PARD3B: variants seen among roughly 807,000 people sequenced by gnomAD.
PARD3B encodes par-3 family cell polarity regulator beta.
In PARD3B, 103 loss-of-function variants were observed where a neutral mutation model predicts 130.2. The observed-to-expected ratio is 0.79, with a 90% CI of 0.67 to 0.93. PARD3B has a LOEUF of 0.93. PARD3B is among the 40% of genes least tolerant of loss of function. PARD3B has a pLI of 0.00. For synonymous variants in PARD3B, 583 were observed against 553.2 expected, an observed-to-expected ratio of 1.05 and a Z score of -0.76; for missense variants, 1,609 against 1,499.2, an observed-to-expected ratio of 1.07 and a Z score of -1.21.
At chr2:205,449,293 G>C (rs145313054) in intron 20 of PARD3B, among the ~76,000 whole-genome samples, 6 of 150,744 alleles carry the variant, frequency 4.0e-5, no homozygotes, top group Admixed American at 3.3e-4. Context: ...GCAGTGGCGC[G>C]ATCTCAGCTC....
At chr2:204,855,544 G>GAAA (rs1159814030) in intron 2 of PARD3B, among the ~76,000 whole-genome samples, 66 of 139,978 alleles carry the variant, frequency 4.7e-4, no homozygotes, top group African/African-American at 1.7e-3. Context: ...CCCTCTAAAA[G>GAAA]AAAAAAAAAT....
intron 2 of PARD3B, among the ~76,000 whole-genome samples, chr2:204,924,136 G>A (rs993996228): frequency 3.9e-5 from 6 of 152,038 alleles, no homozygotes; most frequent in African/African-American, 1.2e-4. Flanking sequence ...GTTAAAGGGT[G>A]TAAGATGTGT....
At chr2:204,771,527 G>A (rs1362181668) in intron 2 of PARD3B, among the ~76,000 whole-genome samples, 1 of 152,054 alleles carries the variant, frequency 6.6e-6, no homozygotes, top group East Asian at 1.9e-4. Flanking sequence ...ACTAGGGCAG[G>A]GAAGGAGGGG....
chr2:205,213,064 T>C (rs1004015691), intron 15 of PARD3B, among the ~76,000 whole-genome samples: 13 of 152,224 alleles, frequency 8.5e-5, no homozygotes, highest in African/African-American at 3.1e-4. Context: ...ACTTTGATGG[T>C]TGGGCTTCAG....
intron 2 of PARD3B, among the ~76,000 whole-genome samples, chr2:204,785,070 A>G (rs1258433841): frequency 6.6e-6 from 1 of 152,246 alleles, no homozygotes; most frequent in Non-Finnish European, 1.5e-5. Context: ...ATAGTAGTAT[A>G]GAGAATAAAT....
chr2:205,228,052 G>A lies in PARD3B; in HGVS notation c.2141-17726G>A, dbSNP rs369887239. The stretch of plus-strand genomic sequence containing the variant: ...GTTTCTGTTTATATCTTATTGTACT[G>A]TGTATGTCTTAAAAAGTTGTTGTAG... On this transcript the variant is annotated intron_variant, in intron 15 of 22. Transcript: ENST00000406610. Among the ~76,000 whole-genome samples the A allele has an allele frequency of 2.0e-5, 3 of 152,192 alleles. No individual in the cohort carries two copies. The South Asian group carries it at 6.2e-4, about 32-fold the overall frequency.
intron 2 of PARD3B, among the ~76,000 whole-genome samples, chr2:204,908,798 C>T (rs373188717): frequency 2.6e-5 from 4 of 152,076 alleles, no homozygotes; most frequent in Non-Finnish European, 5.9e-5. Flanking sequence ...ACCAGAATAA[C>T]GTTTATGTAA....
chr2:204,619,208 C>A (rs1040988493), intron 1 of PARD3B, among the ~76,000 whole-genome samples: 2 of 152,146 alleles, frequency 1.3e-5, no homozygotes, highest in Admixed American at 1.3e-4. Flanking sequence ...TTCTGGACAT[C>A]ACTTCACATT....
intron 2 of PARD3B, among the ~76,000 whole-genome samples, chr2:204,792,516 T>C (rs528620801): frequency 6.6e-6 from 1 of 152,062 alleles, no homozygotes; most frequent in Non-Finnish European, 1.5e-5. Context: ...ACCAGACAAA[T>C]TCCTGAGTTT....
At chr2:205,050,077 C>T (rs1310659573) in intron 4 of PARD3B, among the ~76,000 whole-genome samples, 1 of 151,796 alleles carries the variant, frequency 6.6e-6, no homozygotes, top group Non-Finnish European at 1.5e-5. Flanking sequence ...ATGGAAGATG[C>T]TCAGTGTATA....
chr2:204,572,880 T>G (rs1466342728), intron 1 of PARD3B, among the ~76,000 whole-genome samples: 1 of 152,216 alleles, frequency 6.6e-6, no homozygotes, highest in Non-Finnish European at 1.5e-5. Context: ...ATGGTGCACA[T>G]CACTTATAAA....
chr2:205,172,675 T>C (rs2035242003), intron 12 of PARD3B, among the ~76,000 whole-genome samples: 1 of 152,220 alleles, frequency 6.6e-6, no homozygotes, highest in African/African-American at 2.4e-5. Context: ...TTGGTTGATA[T>C]GCTAGCAGTG....
chr2:204,850,391 A>G (rs2044657849), intron 2 of PARD3B, among the ~76,000 whole-genome samples: 1 of 151,980 alleles, frequency 6.6e-6, no homozygotes. Context: ...TTCTTGGACA[A>G]CTGAGATTGT....
intron 2 of PARD3B, among the ~76,000 whole-genome samples, chr2:204,820,626 C>T (rs917519969): frequency 2.0e-5 from 3 of 151,772 alleles, no homozygotes; most frequent in Non-Finnish European, 2.9e-5. Flanking sequence ...ACCAGCCTGG[C>T]CAACATGGTG....
intron 2 of PARD3B, among the ~76,000 whole-genome samples, chr2:204,775,034 A>G (rs1462245780): frequency 1.3e-5 from 2 of 152,120 alleles, no homozygotes; most frequent in African/African-American, 4.8e-5. Flanking sequence ...AGAATGGGTA[A>G]TTTCCTTTCT....
At chr2:205,262,620 T>A (rs907029636) in intron 16 of PARD3B, among the ~76,000 whole-genome samples, 1 of 152,114 alleles carries the variant, frequency 6.6e-6, no homozygotes, top group Admixed American at 6.6e-5. Context: ...CATAAAGTTG[T>A]TACTTGAGTG....
chr2:204,713,012 G>A (rs892875902), intron 2 of PARD3B, among the ~76,000 whole-genome samples: 7 of 152,024 alleles, frequency 4.6e-5, no homozygotes, highest in African/African-American at 1.2e-4. Context: ...ATTCATGCAC[G>A]TAAGTTTGGC....
chr2:205,514,872 C>A (rs1159193100), intron 21 of PARD3B, among the ~76,000 whole-genome samples: 2 of 137,698 alleles, frequency 1.5e-5, no homozygotes, highest in African/African-American at 5.4e-5. Flanking sequence ...AGGGTACATG[C>A]GAAGGTTTGT....
intron 18 of PARD3B, among the ~76,000 whole-genome samples, chr2:205,334,808 G>C (rs990633821): frequency 2.3e-4 from 35 of 152,162 alleles, no homozygotes; most frequent in African/African-American, 8.2e-4. Context: ...TTAATCCTCA[G>C]ATCACACCAA....
Sources: allele counts gnomAD v4.1 joint callset (sites outside exome capture counted in the v4.1 genomes callset), GRCh38; gene constraint gnomAD v4.1.1; transcripts MANE v1.5; gene names NCBI Gene and HGNC (gene_info 2026-07-23, HGNC 2026-07-21).